ELAC1: variants seen among roughly 807,000 people sequenced by gnomAD.
ELAC1 encodes elaC ribonuclease Z 1.
A neutral mutation model predicts 25.8 loss-of-function variants in ELAC1; 19 were observed. The observed-to-expected ratio is 0.74, with a 90% CI of 0.51 to 1.08. ELAC1 has a LOEUF of 1.08. Ranked by LOEUF, ELAC1 falls within the 50% of genes least tolerant of loss-of-function variation. The pLI is 0.00. For synonymous variants in ELAC1, 148 were observed against 160.9 expected (o/e 0.92, Z 0.61); for missense variants, 403 against 434.6 (o/e 0.93, Z 0.65).
chr18:50,969,260 C>T (rs774363345), intron 1 of ELAC1: 9 of 152,128 alleles, frequency 5.9e-5, no homozygotes, highest in Non-Finnish European at 8.8e-5. Flanking sequence ...TTATTTTGTT[C>T]CCTGTATTTT....
intron 1 of ELAC1, chr18:50,968,784 G>A (rs750223260): frequency 6.6e-6 from 1 of 152,294 alleles, no homozygotes; most frequent in Non-Finnish European, 1.5e-5. Context: ...AATTCCTAGT[G>A]CCTAGAATGG....
chr18:50,968,981 T>A (rs1490100598), intron 1 of ELAC1: 1 of 152,212 alleles, frequency 6.6e-6, no homozygotes, highest in Non-Finnish European at 1.5e-5. Context: ...TCTCCCCCAC[T>A]GTAGTATTTT....
chr18:50,980,584 G>C lies in ELAC1; in HGVS notation c.158-3512G>C, dbSNP rs180671839. On this transcript the variant is annotated intron_variant, in intron 2 of 3. Transcript: ENST00000269466. Reference sequence around the variant, plus strand: ...TTGAGACCAGCCTGGCCAACATGGTGAAACCCCATCTCTACTGAAAATACA... The same window carrying C: ...TTGAGACCAGCCTGGCCAACATGGTCAAACCCCATCTCTACTGAAAATACA... Among the ~76,000 whole-genome samples, 28 of 151,978 alleles carry C rather than the reference G, an allele frequency of 1.8e-4. No homozygotes were observed. In the East Asian group the frequency reaches 5.4e-3, roughly 30 times the overall value.
intron 1 of ELAC1, among the ~76,000 whole-genome samples, chr18:50,972,412 G>C (rs1410502697): frequency 6.6e-6 from 1 of 152,028 alleles, no homozygotes; most frequent in Non-Finnish European, 1.5e-5. Context: ...TAGGTAGCTG[G>C]TTTATTTCTG....
At chr18:50,972,380 T>G (rs1907691118) in intron 1 of ELAC1, among the ~76,000 whole-genome samples, 1 of 152,214 alleles carries the variant, frequency 6.6e-6, no homozygotes, top group Admixed American at 6.5e-5. Flanking sequence ...TACACCTTTG[T>G]TATATACTGT....
At chr18:50,976,258 T>C (rs746547065) in intron 2 of ELAC1, among the ~76,000 whole-genome samples, 13 of 152,110 alleles carry the variant, frequency 8.5e-5, no homozygotes, top group Non-Finnish European at 1.8e-4. Context: ...GGGAGACCAG[T>C]TCCAAGGCAA....
chr18:50,987,908 T>C lies in ELAC1; in HGVS notation c.*823T>C, dbSNP rs1271206853. 1 of 152,236 alleles carries C rather than the reference T, an allele frequency of 6.6e-6. No homozygotes were observed. The highest frequency in any genetic ancestry group is 1.5e-5 in the Non-Finnish European group (1 of 68,050). 9.4% of individuals were successfully genotyped at this position (152,236 alleles called of 1,614,324 possible). On this transcript the variant is annotated 3_prime_UTR_variant, in exon 4 of 4. Transcript: ENST00000269466. ...TTAGTTTATACTCTTGATGTGAATA[T>C]AGTTTACCAAAATTAGTGACATAAT...
chr18:50,986,178 C>T (rs1193373202), intron 3 of ELAC1, among the ~76,000 whole-genome samples: 1 of 152,004 alleles, frequency 6.6e-6, no homozygotes, highest in Non-Finnish European at 1.5e-5. Context: ...CACCACTGCA[C>T]CTGCCTCGGC....
chr18:50,985,817 G>A (rs1908093042), intron 3 of ELAC1, among the ~76,000 whole-genome samples: 3 of 151,980 alleles, frequency 2.0e-5, no homozygotes, highest in Admixed American at 2.0e-4. Flanking sequence ...GTGATGATCA[G>A]GTCTTACTTT....
intron 2 of ELAC1, among the ~76,000 whole-genome samples, chr18:50,979,489 C>T (rs1907884299): frequency 1.3e-5 from 2 of 152,230 alleles, no homozygotes; most frequent in Non-Finnish European, 2.9e-5. Flanking sequence ...TCTTCATAGC[C>T]AGCATGGGAG....
At chr18:50,978,404 G>A (rs1006385640) in intron 2 of ELAC1, among the ~76,000 whole-genome samples, 1 of 152,212 alleles carries the variant, frequency 6.6e-6, no homozygotes, top group Admixed American at 6.5e-5. Context: ...CACAATCATG[G>A]TGGAAGGCAA....
chr18:50,987,041 C>G lies in ELAC1; in HGVS notation c.1048C>G (p.Leu350Val), dbSNP rs1175454977. 1 of 1,585,016 alleles carries G rather than the reference C, an allele frequency of 6.3e-7. No homozygotes were observed. The highest frequency in any genetic ancestry group is 8.6e-7 in the Non-Finnish European group (1 of 1,167,028). ...ESVLDLQEVTLAEDFMVISIP... is the reference protein window; with the variant it reads ...ESVLDLQEVTVAEDFMVISIP... ...AGTGTTAGATCTCCAAGAAGTGACTCTAGCAGAAGATTTTATGGTGATAAG... is the reference window on the plus strand; with the variant it reads ...AGTGTTAGATCTCCAAGAAGTGACTGTAGCAGAAGATTTTATGGTGATAAG... Residue 350 changes from leucine to valine, a missense_variant, in exon 4 of 4, where the codon CTA (leucine) becomes GTA (valine). Physicochemically the swap from Leu to Val is conservative, Grantham distance 32. Transcript: ENST00000269466.
At chr18:50,978,256 TC>T (rs1393154400) in intron 2 of ELAC1, among the ~76,000 whole-genome samples, 1 of 152,140 alleles carries the variant, frequency 6.6e-6, no homozygotes, top group Non-Finnish European at 1.5e-5. Flanking sequence ...TATAGCATTA[TC>T]CCACTCTACC....
chr18:50,983,099 C>T (rs1599149898), intron 2 of ELAC1, among the ~76,000 whole-genome samples: 1 of 147,090 alleles, frequency 6.8e-6, no homozygotes, highest in African/African-American at 2.5e-5. Context: ...TACTTGAGGC[C>T]TATCTATTTA....
In ELAC1 at chr18:50,984,090, C is replaced by G. The variant is rs376768739; in HGVS notation, c.158-6C>G. On this transcript the variant is annotated splice_region_variant and splice_polypyrimidine_tract_variant and intron_variant, in intron 2 of 3. Transcript: ENST00000269466. Reference sequence around the variant, plus strand: ...TCCAAACGTATTTCTCTATCTCAATCAAAAGGGAGAATTACCAAGATCTTC... The same window carrying G: ...TCCAAACGTATTTCTCTATCTCAATGAAAAGGGAGAATTACCAAGATCTTC... 1.2e-5 allele frequency: 18 copies of G among 1,560,432 alleles called. No homozygotes were observed. The highest frequency in any genetic ancestry group is 1.6e-5 in the Non-Finnish European group (18 of 1,153,968).
intron 3 of ELAC1, chr18:50,984,791 G>A (rs1908056353): frequency 1.7e-6 from 1 of 577,482 alleles, no homozygotes; most frequent in Non-Finnish European, 3.1e-6. Flanking sequence ...AAGTAACTGG[G>A]TGTGGTGTCA....
Position 50,986,633 on chromosome 18 carries a change from C to A in ELAC1, c.640C>A (p.Pro214Thr). The stretch of plus-strand genomic sequence containing the variant: ...TTCATCATTAGGTGTTCCACCAGGT[C>A]CTGCCTATGGGAAGCTGAAAAATGG... ...KLKDLGVPPG[P>T]AYGKLKNGIS... Residue 214 changes from proline (P) to threonine (T), a missense_variant, in exon 4 of 4, where the codon CCT becomes ACT. Coordinates refer to ENST00000269466, the MANE Select transcript of ELAC1 (RefSeq NM_018696.3). The A allele has an allele frequency of 6.2e-7, 1 of 1,609,992 alleles. No homozygotes were observed. The highest frequency in any genetic ancestry group is 8.5e-7 in the Non-Finnish European group (1 of 1,177,510).
In ELAC1 at chr18:50,986,618, G is replaced by A; in HGVS notation, c.626-1G>A. ...GTAATGTTATCTGCCTTCATCATTA[G>A]GTGTTCCACCAGGTCCTGCCTATGG... is the stretch of plus-strand genomic sequence containing the variant. On this transcript the variant is annotated splice_acceptor_variant, in intron 3 of 3. Transcript: ENST00000269466. LOFTEE classifies it high-confidence loss of function. 1 of 1,599,266 alleles carries A rather than the reference G, an allele frequency of 6.3e-7. No individual in the cohort carries two copies.
intron 2 of ELAC1, among the ~76,000 whole-genome samples, chr18:50,980,512 C>A (rs1003467800): frequency 6.6e-6 from 1 of 152,104 alleles, no homozygotes; most frequent in African/African-American, 2.4e-5. Context: ...TGCCTGTAAT[C>A]CCAGCACTTT....
Sources: allele counts gnomAD v4.1 joint callset (sites outside exome capture counted in the v4.1 genomes callset), GRCh38; gene constraint gnomAD v4.1.1; transcripts MANE v1.5; gene names NCBI Gene and HGNC (gene_info 2026-07-23, HGNC 2026-07-21).